The following HSD17B2 variants were observed in gnomAD, a reference collection of about 807,000 sequenced individuals.
HSD17B2 encodes the protein 17-beta-hydroxysteroid dehydrogenase type 2.
Under a neutral mutation model 26.9 loss-of-function variants are expected in HSD17B2, and 32 were observed. The observed-to-expected ratio is 1.19, with a 90% CI of 0.90 to 1.60. The LOEUF is 1.60. HSD17B2 is among the 40% of genes most tolerant of loss of function. The probability of loss-of-function intolerance (pLI) is 0.00; values close to 1 mark genes in which losing one functional copy is unlikely to be tolerated. For synonymous variants in HSD17B2, 246 were observed against 186.7 expected (o/e 1.32, Z -2.59); for missense variants, 613 against 468.6 (o/e 1.31, Z -2.85).
At chr16:82,042,295 A>G (rs1913788766) in intron 1 of HSD17B2, among the ~76,000 whole-genome samples, 1 of 151,848 alleles carries the variant, frequency 6.6e-6, no homozygotes, top group South Asian at 2.1e-4. Flanking sequence ...ATGAGTCACC[A>G]CGCCCAGCCT....
chr16:82,071,097 G>A lies in HSD17B2; in HGVS notation c.634G>A (p.Gly212Arg). Residue 212 changes from glycine (G) to arginine (R), a missense_variant, in exon 3 of 5, where the codon GGG becomes AGG. Physicochemically the swap from Gly to Arg is moderately radical, Grantham distance 125 (BLOSUM62 -2). Coordinates refer to ENST00000199936, the MANE Select transcript of HSD17B2 (RefSeq NM_002153.3). ...TTTGCCTCTTCTTAGAAAATCCAAA[G>A]GGAGGCTGGTGAATGTCAGCAGCAT... is the stretch of plus-strand genomic sequence containing the variant. ...TFLPLLRKSK[G>R]RLVNVSSMGG... is the part of the protein sequence containing the mutation. The A allele has an allele frequency of 6.2e-7, 1 of 1,614,158 alleles. No homozygotes were observed. Among genetic ancestry groups the A allele is most frequent in the Non-Finnish European group, 8.5e-7 (1 of 1,180,020 alleles).
chr16:82,068,383 G>A lies in HSD17B2; in HGVS notation c.478+1G>A. ...GTTGCAGCAATGCTGCAGGACAGAG[G>A]TACTGCCGCCAGCACCCTCAGTGCC... On this transcript the variant is annotated splice_donor_variant, in intron 2 of 4. Transcript: ENST00000199936. LOFTEE classifies it high-confidence loss of function. 1 of 1,608,790 alleles carries A rather than the reference G, an allele frequency of 6.2e-7. No homozygotes were observed. The highest frequency in any genetic ancestry group is 8.5e-7 in the Non-Finnish European group (1 of 1,178,146).
At position 82,076,606 on chromosome 16, in the gene HSD17B2, C is replaced by T. The variant is rs549119995; in HGVS notation, c.664+5479C>T. 4.6e-5 allele frequency among the ~76,000 whole-genome samples: 7 copies of T among 152,268 alleles called. No individual in the cohort carries two copies. The East Asian group carries it at 7.7e-4, about 17-fold the overall frequency. On this transcript the variant is annotated intron_variant, in intron 3 of 4. Transcript: ENST00000199936. ...CTTCTTTTTATTTTAGACAGAGTCT[C>T]GCTCTGTTGCCAGGCTGGAGTGCAG... is the stretch of plus-strand genomic sequence containing the variant.
intron 4 of HSD17B2, chr16:82,096,113 G>C (rs954216043): frequency 6.6e-6 from 1 of 151,948 alleles, no homozygotes; most frequent in Non-Finnish European, 1.5e-5. Flanking sequence ...CATGTAGTTT[G>C]TGTATTAAAA....
chr16:82,054,330 C>T (rs1188672725), intron 1 of HSD17B2, among the ~76,000 whole-genome samples: 1 of 151,896 alleles, frequency 6.6e-6, no homozygotes, highest in Admixed American at 6.6e-5. Context: ...TATTAGACTG[C>T]CCCATTCTTT....
At chr16:82,035,753 G>C in intron 1 of HSD17B2, 64 bp downstream of exon 1, 1 of 1,522,632 alleles carries the variant, frequency 6.6e-7, no homozygotes, top group Middle Eastern at 1.8e-4. Flanking sequence ...GCCTTAGCAG[G>C]ACTTTGTCAA....
Position 82,068,257 on chromosome 16 carries a change from G to A in HSD17B2, c.353G>A (p.Gly118Asp), listed in dbSNP as rs201613920. 6.2e-7 allele frequency: 1 copy of A among 1,614,020 alleles called. No homozygotes were observed. The highest frequency in any genetic ancestry group is 2.2e-5 in the East Asian group (1 of 44,862). ...TVFAGVLNENGPGAEELRRTC... is the reference protein window; with the variant it reads ...TVFAGVLNENDPGAEELRRTC... ...TTTGCCGGAGTTTTGAATGAAAATGGCCCAGGAGCTGAGGAATTGCGAAGA... is the reference window on the plus strand; with the variant it reads ...TTTGCCGGAGTTTTGAATGAAAATGACCCAGGAGCTGAGGAATTGCGAAGA... Residue 118 changes from glycine (G) to aspartate (D), a missense_variant, in exon 2 of 5, where the codon GGC becomes GAC. By Grantham distance (94) the Gly-to-Asp change is moderately conservative. Transcript: ENST00000199936.
intron 1 of HSD17B2, among the ~76,000 whole-genome samples, chr16:82,043,134 T>TA (rs1913812919): frequency 6.6e-6 from 1 of 152,194 alleles, no homozygotes; most frequent in Non-Finnish European, 1.5e-5. Context: ...CACAGACTCC[T>TA]TCAAGGAAGG....
At chr16:82,065,555 G>A (rs1015294425) in intron 1 of HSD17B2, among the ~76,000 whole-genome samples, 3 of 152,080 alleles carry the variant, frequency 2.0e-5, no homozygotes, top group Admixed American at 2.0e-4. Context: ...AAATGGGAAA[G>A]GCTGTCCACG....
rs1040466417 is a variant in HSD17B2 at position 82,053,619 on chromosome 16, T to C, written c.266-14551T>C. ...AGAACTGTGTCCATCTTGGTCACCATTGTACCTGTAGCACCTAGCCCAGCA... is the reference window on the plus strand; with the variant it reads ...AGAACTGTGTCCATCTTGGTCACCACTGTACCTGTAGCACCTAGCCCAGCA... On this transcript the variant is annotated intron_variant, in intron 1 of 4. Coordinates refer to ENST00000199936, the MANE Select transcript of HSD17B2 (RefSeq NM_002153.3). Among the ~76,000 whole-genome samples, 4 of 152,276 alleles carry C rather than the reference T, an allele frequency of 2.6e-5. No homozygotes were observed. The East Asian group carries it at 7.7e-4, about 29-fold the overall frequency.
chr16:82,047,753 G>A (rs990934735), intron 1 of HSD17B2, among the ~76,000 whole-genome samples: 1 of 152,188 alleles, frequency 6.6e-6, no homozygotes, highest in African/African-American at 2.4e-5. Flanking sequence ...CCCTATCATG[G>A]CTCTCATCAT....
Position 82,035,658 on chromosome 16 carries a change from A to G in HSD17B2, c.234A>G (p.Leu78=), listed in dbSNP as rs751600398. The stretch of plus-strand genomic sequence containing the variant: ...CTTACTTATCTGGCCAAGAATTGTT[A>G]CCTGTGGATCAGAAGGCAGTCCTGG... ...MYTYLSGQEL[L]PVDQKAVLVT... The change falls in exon 1 of 5, where the codon TTA becomes TTG. Residue 78 remains leucine (L), a synonymous_variant. Transcript: ENST00000199936. The G allele has an allele frequency of 2.5e-6, 4 of 1,613,770 alleles. No homozygotes were observed. In the African/African-American group the frequency reaches 5.3e-5, roughly 22 times the overall value.
chr16:82,065,799 A>G (rs966315682), intron 1 of HSD17B2, among the ~76,000 whole-genome samples: 9 of 152,250 alleles, frequency 5.9e-5, no homozygotes, highest in African/African-American at 2.2e-4. Context: ...AGGATCCAAT[A>G]GAGTCCAGGT....
chr16:82,085,002 G>T (rs926322770), intron 3 of HSD17B2, among the ~76,000 whole-genome samples: 1 of 152,202 alleles, frequency 6.6e-6, no homozygotes, highest in African/African-American at 2.4e-5. Context: ...GGGATCATAG[G>T]CATGAGCTAC....
chr16:82,087,651 T>C (rs1285767192), intron 3 of HSD17B2, among the ~76,000 whole-genome samples: 1 of 152,206 alleles, frequency 6.6e-6, no homozygotes, highest in South Asian at 2.1e-4. Flanking sequence ...ACTTCATATG[T>C]CATGTCTTAG....
rs1462947122 is a variant in HSD17B2, at chr16:82,043,456, G to A, written c.265+7767G>A. 1.6e-5 allele frequency among the ~76,000 whole-genome samples: 2 copies of A among 124,202 alleles called. 1 individual carries two copies. Among genetic ancestry groups the A allele is most frequent in the African/African-American group, 1.3e-4 (2 of 15,888 alleles). 81.5% of individuals were successfully genotyped at this position (124,202 alleles called of 152,430 possible). A position where few individuals can be genotyped will look rare whatever the true frequency, so the allele number is the denominator to read the frequency against. ...TCCCAGCACTTTGGGAGGCCGAGGC[G>A]GGCGGATCACGAGGTCAGGAGATGG... On this transcript the variant is annotated intron_variant, in intron 1 of 4. Coordinates refer to ENST00000199936, the MANE Select transcript of HSD17B2 (RefSeq NM_002153.3).
intron 3 of HSD17B2, among the ~76,000 whole-genome samples, chr16:82,087,061 A>G (rs188876734): frequency 6.6e-6 from 1 of 152,326 alleles, no homozygotes; most frequent in Admixed American, 6.5e-5. Context: ...TTCCAAATAC[A>G]GCTATCTTGA....
At chr16:82,084,379 G>A (rs1400147865) in intron 3 of HSD17B2, among the ~76,000 whole-genome samples, 2 of 151,950 alleles carry the variant, frequency 1.3e-5, no homozygotes, top group South Asian at 2.1e-4. Context: ...GATCTTTGGG[G>A]TGCAAAATCA....
intron 3 of HSD17B2, among the ~76,000 whole-genome samples, chr16:82,076,422 C>G (rs1444388139): frequency 6.6e-6 from 1 of 152,108 alleles, no homozygotes; most frequent in African/African-American, 2.4e-5. Flanking sequence ...AAAGAACATT[C>G]AAGCTGGAAA....
Sources: allele counts gnomAD v4.1 joint callset (sites outside exome capture counted in the v4.1 genomes callset), GRCh38; gene constraint gnomAD v4.1.1; transcripts MANE v1.5; gene names NCBI Gene and HGNC (gene_info 2026-07-23, HGNC 2026-07-21).